The following PIK3CD variants were observed in gnomAD, a reference collection of about 807,000 sequenced individuals.
PIK3CD encodes the protein phosphatidylinositol 4,5-bisphosphate 3-kinase catalytic subunit delta isoform.
PIK3CD carries 20 observed loss-of-function variants against 122.9 expected under a neutral mutation model. That is an observed-to-expected ratio of 0.16 (90% CI 0.11 to 0.24). PIK3CD has a LOEUF of 0.24. PIK3CD is among the 10% of genes least tolerant of loss of function. PIK3CD has a pLI of 1.00. For synonymous variants in PIK3CD, 596 were observed against 593.4 expected (o/e 1.00, Z -0.06); for missense variants, 787 against 1,406.3 (o/e 0.56, Z 7.04).
chr1:9,694,800 A>G (rs1646339233), intron 2 of PIK3CD, among the ~76,000 whole-genome samples: 1 of 152,118 alleles, frequency 6.6e-6, no homozygotes, highest in Non-Finnish European at 1.5e-5. Context: ...CTCTCTCTAC[A>G]TAAAATAAAA....
chr1:9,723,953 A>G lies in PIK3CD; in HGVS notation c.2595-16A>G, dbSNP rs752175186. ...GCAAAATGGTATGGCCATGCTTTTT[A>G]ATCTTCCCCACCCAGGGAGGCCCTG... On this transcript the variant is annotated splice_polypyrimidine_tract_variant and intron_variant, in intron 20 of 23. Transcript: ENST00000377346. The surrounding 1 kb of genome is among the most constrained non-coding windows in gnomAD (Gnocchi z 4.9). 6.2e-7 allele frequency: 1 copy of G among 1,613,884 alleles called. No individual in the cohort carries two copies. The highest frequency in any genetic ancestry group is 8.5e-7 in the Non-Finnish European group (1 of 1,179,852).
At chr1:9,638,574 T>C in the PIK3CD span, among the ~76,000 whole-genome samples, 1 of 151,188 alleles carries the variant, frequency 6.6e-6, no homozygotes, top group Non-Finnish European at 1.5e-5. Flanking sequence ...CTACTAAAAA[T>C]ACAAAAAGTT....
rs1198430554 is a variant in PIK3CD at position 9,700,095 on chromosome 1, ATT to A, written c.-33+8526_-33+8527del. Among the ~76,000 whole-genome samples the A allele has an allele frequency of 6.6e-6, 1 of 151,994 alleles. No homozygotes were observed. Among genetic ancestry groups the A allele is most frequent in the African/African-American group, 2.4e-5 (1 of 41,400 alleles). On this transcript the variant is annotated intron_variant, in intron 2 of 23. Transcript: ENST00000377346. The surrounding 1 kb of genome is among the most constrained non-coding windows in gnomAD (Gnocchi z 5.1). ...ACTACCTGAAGCATCTTGTTTATCT[ATT>A]TGTTTTCTTTTTAACTTTGTATTTA...
At chr1:9,679,532 A>G (rs889647190) in intron 1 of PIK3CD, among the ~76,000 whole-genome samples, 2 of 151,938 alleles carry the variant, frequency 1.3e-5, no homozygotes, top group African/African-American at 2.4e-5. Context: ...TTACCTCTCA[A>G]TATTCTCCCA....
In PIK3CD at chr1:9,726,928, A is replaced by G. The variant is rs759480750; in HGVS notation, c.3017A>G (p.Lys1006Arg). 1.9e-6 allele frequency: 3 copies of G among 1,613,870 alleles called. No homozygotes were observed. The highest frequency in any genetic ancestry group is 2.2e-5 in the South Asian group (2 of 91,066). Residue 1006 changes from lysine (K) to arginine (R), a missense_variant, in exon 24 of 24, where the codon AAA (lysine) becomes AGA (arginine). Physicochemically the swap from Lys to Arg is conservative, Grantham distance 26. Coordinates refer to ENST00000377346, the MANE Select transcript of PIK3CD (RefSeq NM_005026.5). ...QYLKDSLALGKTEEEALKHFR... is the reference protein window; with the variant it reads ...QYLKDSLALGRTEEEALKHFR... ...TTGCAGGACTCCCTGGCACTGGGGA[A>G]AACAGAGGAGGAGGCACTGAAGCAC...
intron 1 of PIK3CD, among the ~76,000 whole-genome samples, chr1:9,678,134 A>G (rs575367444): frequency 7.0e-6 from 1 of 142,604 alleles, no homozygotes; most frequent in South Asian, 2.4e-4. Flanking sequence ...ACAAGAGCGA[A>G]ACTCCATCTC....
chr1:9,686,740 G>T lies in PIK3CD; in HGVS notation c.-137-4727G>T, dbSNP rs1231774292. Among the ~76,000 whole-genome samples the T allele has an allele frequency of 3.3e-5, 5 of 152,180 alleles. No homozygotes were observed. The East Asian group carries it at 7.7e-4, about 23-fold the overall frequency. ...CACTTAATTTCAGAAAGGACTGAAG[G>T]TACCTGAGCTGTGAACAAAGAATCA... On this transcript the variant is annotated intron_variant, in intron 1 of 23. Transcript: ENST00000377346.
intron 1 of PIK3CD, among the ~76,000 whole-genome samples, chr1:9,658,385 CAAAAA>C (rs58808659): frequency 7.4e-5 from 6 of 81,600 alleles, no homozygotes; most frequent in African/African-American, 2.7e-4. Flanking sequence ...GACCCTGTCT[CAAAAA>C]AAAAAAAAAA....
intron 1 of PIK3CD, chr1:9,654,264 G>A: frequency 7.3e-7 from 1 of 1,367,694 alleles, no homozygotes; most frequent in South Asian, 1.1e-5. Flanking sequence ...GTCCCCTTCT[G>A]GCAGGAAAAG....
the PIK3CD span, among the ~76,000 whole-genome samples, chr1:9,629,219 C>T: frequency 6.6e-6 from 1 of 152,098 alleles, no homozygotes; most frequent in African/African-American, 2.4e-5. Flanking sequence ...CAAGGCCACA[C>T]CTACCTGAGT....
upstream of PIK3CD, among the ~76,000 whole-genome samples, chr1:9,648,833 G>A (rs919274396): frequency 8.5e-5 from 13 of 152,242 alleles, no homozygotes; most frequent in Non-Finnish European, 1.5e-4. Context: ...CGGGCGCAGT[G>A]GCTTATGCCT....
intron 2 of PIK3CD, among the ~76,000 whole-genome samples, chr1:9,695,699 G>C (rs1253350363): frequency 6.6e-6 from 1 of 151,900 alleles, no homozygotes; most frequent in Non-Finnish European, 1.5e-5. Flanking sequence ...AAAATTAGCT[G>C]GGCGTGGTGG....
Position 9,728,826 on chromosome 1 carries a change from T to TG in PIK3CD, c.*1784dup, listed in dbSNP as rs1244636543. 2.0e-4 allele frequency: 31 copies of TG among 152,210 alleles called. No homozygotes were observed. The highest frequency in any genetic ancestry group is 7.0e-4 in the African/African-American group (29 of 41,448). The allele number at this position is 152,210 out of a possible 1,614,324, so 9.4% of individuals were successfully genotyped here. A position where few individuals can be genotyped will look rare whatever the true frequency, so the allele number is the denominator to read the frequency against. ...TTTTAAGTCATTTCATGTTTCTGTC[T>TG]GGGGAAGGCAAGTTAGTTAAGTATC... On this transcript the variant is annotated 3_prime_UTR_variant, in exon 24 of 24. Coordinates refer to ENST00000377346, the MANE Select transcript of PIK3CD (RefSeq NM_005026.5).
intron 3 of PIK3CD, among the ~76,000 whole-genome samples, chr1:9,711,783 T>C (rs1411772358): frequency 6.6e-6 from 1 of 152,194 alleles, no homozygotes; most frequent in Non-Finnish European, 1.5e-5. Flanking sequence ...GGTTTCACCA[T>C]GTTGCCCAGG....
intron 1 of PIK3CD, among the ~76,000 whole-genome samples, chr1:9,686,387 A>T (rs1645967712): frequency 7.0e-6 from 1 of 143,194 alleles, no homozygotes; most frequent in Non-Finnish European, 1.5e-5. Context: ...TTTTTAGTAG[A>T]GACGAGGTCT....
chr1:9,670,820 C>T (rs1254151889), intron 1 of PIK3CD, among the ~76,000 whole-genome samples: 1 of 151,892 alleles, frequency 6.6e-6, no homozygotes, highest in African/African-American at 2.4e-5. Context: ...TGCAGTGGTG[C>T]GATCTTGGCT....
At chr1:9,680,765 C>G (rs1279800579) in intron 1 of PIK3CD, 1 of 152,252 alleles carries the variant, frequency 6.6e-6, no homozygotes, top group African/African-American at 2.4e-5. Flanking sequence ...ATAGTGCTGG[C>G]CCCACAGCAG....
chr1:9,721,459 C>T lies in PIK3CD; in HGVS notation c.1827C>T (p.Phe609=), dbSNP rs1156998927. The T allele has an allele frequency of 6.2e-7, 1 of 1,613,642 alleles. No individual in the cohort carries two copies. The highest frequency in any genetic ancestry group is 1.7e-5 in the Admixed American group (1 of 60,018). ...SLRKLTDDEL[F]QYLLQLVQVL... is the part of the protein sequence containing the mutation. The stretch of plus-strand genomic sequence containing the variant: ...TTCCCTGCAGGGACGATGAGCTGTT[C>T]CAGTACCTGCTGCAGCTGGTGCAGG... The change falls in exon 15 of 24, where the codon TTC becomes TTT. Residue 609 remains phenylalanine, a synonymous_variant. Transcript: ENST00000377346.
At chr1:9,663,331 G>A (rs1645063609) in intron 1 of PIK3CD, among the ~76,000 whole-genome samples, 1 of 152,172 alleles carries the variant, frequency 6.6e-6, no homozygotes, top group Non-Finnish European at 1.5e-5. Context: ...CTGGCACACA[G>A]GACAGTTCTT....
Sources: gnomAD v4.1 joint callset for allele counts (sites outside exome capture counted in the v4.1 genomes callset) on GRCh38, gnomAD v4.1.1 for gene constraint, Gnocchi (gnomAD v3.1) non-coding constraint, MANE v1.5 for transcripts, NCBI Gene and HGNC (gene_info 2026-07-23, HGNC 2026-07-21) for gene names.